Variants in MEIOC observed in about 807,000 individuals in gnomAD.
The protein encoded by MEIOC is meiosis specific with coiled-coil domain, also known as meiosis-specific coiled-coil domain-containing protein MEIOC.
MEIOC carries 9 observed loss-of-function variants against 85.3 expected under a neutral mutation model. The ratio of observed to expected loss-of-function variants is 0.11; its 90% confidence interval spans 0.06 to 0.18. The LOEUF is 0.18. Among genes scored for constraint, MEIOC ranks in the 10% least tolerant of loss-of-function variants. The pLI is 1.00. For synonymous variants in MEIOC, 365 were observed against 393.7 expected (o/e 0.93, Z 0.86); for missense variants, 898 against 1,129.4 (o/e 0.80, Z 2.94).
chr17:44,656,567 G>C lies in MEIOC; in HGVS notation c.-47G>C. On this transcript the variant is annotated 5_prime_UTR_variant, in exon 1 of 8. Transcript: ENST00000409122. Reference sequence around the variant, plus strand: ...CCTGGACGCCCCCCCCATCACCCCCGTACCCCAGGAGCTGTGCCTAGTCCA... The same window carrying C: ...CCTGGACGCCCCCCCCATCACCCCCCTACCCCAGGAGCTGTGCCTAGTCCA... 7.3e-7 allele frequency: 1 copy of C among 1,363,158 alleles called. No individual in the cohort carries two copies. The highest frequency in any genetic ancestry group is 1.6e-5 in the South Asian group (1 of 62,196). The allele number at this position is 1,363,158 out of a possible 1,614,324, so 84.4% of individuals were successfully genotyped here. A position where few individuals can be genotyped will look rare whatever the true frequency, so the allele number is the denominator to read the frequency against.
At chr17:44,673,299 G>T in intron 6 of MEIOC, 67 bp from the exon 7 acceptor site, 1 of 1,189,414 alleles carries the variant, frequency 8.4e-7, no homozygotes, top group East Asian at 2.7e-5. Flanking sequence ...CTGCTTCACT[G>T]AAGATTTGTT....
intron 2 of MEIOC, among the ~76,000 whole-genome samples, chr17:44,661,436 C>T (rs1399960264): frequency 6.6e-6 from 1 of 151,762 alleles, no homozygotes; most frequent in Non-Finnish European, 1.5e-5. Flanking sequence ...AGAGATAATA[C>T]TCATGTCACA....
rs1048419672 is a variant in MEIOC, at chr17:44,657,172, G to C, written c.115G>C (p.Gly39Arg). 2.6e-6 allele frequency: 4 copies of C among 1,551,558 alleles called. No individual in the cohort carries two copies. The African/African-American group carries it at 5.5e-5, about 21-fold the overall frequency. ...AGGTGCGAATCGCTGTTGGAACCTC[G>C]GCGCCGACGCCGGCAGCAGGTTAAC... is the stretch of plus-strand genomic sequence containing the variant. ...PGGANRCWNL[G>R]ADAGSRLTDV... Residue 39 changes from glycine (G) to arginine (R), a missense_variant, in exon 2 of 8, where the codon GGC becomes CGC. Physicochemically the swap from Gly to Arg is moderately radical, Grantham distance 125. Around this residue, in one of 2 missense-constraint regions of MEIOC, gnomAD observed 734 missense variants for 860.1 expected, o/e 0.85. Transcript: ENST00000409122.
Position 44,657,232 on chromosome 17 carries a change from G to C in MEIOC, c.175G>C (p.Ala59Pro). ...VFGSVMLTGSASFYDCYTSQS... is the reference protein window; with the variant it reads ...VFGSVMLTGSPSFYDCYTSQS... Reference sequence around the variant, plus strand: ...CGGCAGCGTGATGTTGACTGGCTCCGCTTCCTTCTACGATTGCTACACATC... The same window carrying C: ...CGGCAGCGTGATGTTGACTGGCTCCCCTTCCTTCTACGATTGCTACACATC... The change falls in exon 2 of 8, where the codon GCT becomes CCT. Residue 59 changes from alanine (A) to proline (P), a missense_variant. Physicochemically the swap from Ala to Pro is conservative, Grantham distance 27. Transcript: ENST00000409122. 1 of 1,551,990 alleles carries C rather than the reference G, an allele frequency of 6.4e-7. No individual in the cohort carries two copies. The highest frequency in any genetic ancestry group is 8.7e-7 in the Non-Finnish European group (1 of 1,146,944).
chr17:44,675,359 T>C lies in MEIOC; in HGVS notation c.*1163T>C. On this transcript the variant is annotated 3_prime_UTR_variant, in exon 8 of 8. Coordinates refer to ENST00000409122, the MANE Select transcript of MEIOC (RefSeq NM_001145080.3). ...GTAATTTATTCGTTAATATGAAATG[T>C]TGGTATTATGTGACTCAGAAGATCT... 2.1e-6 allele frequency: 2 copies of C among 968,654 alleles called. No individual in the cohort carries two copies. Among genetic ancestry groups the C allele is most frequent in the Non-Finnish European group, 2.5e-6 (2 of 814,676 alleles). 60.0% of individuals were successfully genotyped at this position (968,654 alleles called of 1,614,324 possible).
At chr17:44,661,075 A>G (rs1971835575) in intron 2 of MEIOC, among the ~76,000 whole-genome samples, 1 of 152,144 alleles carries the variant, frequency 6.6e-6, no homozygotes. Context: ...ACTTGAGGTC[A>G]GGATTTGAGA....
chr17:44,661,528 G>C (rs1034580982), intron 2 of MEIOC, among the ~76,000 whole-genome samples: 2 of 151,860 alleles, frequency 1.3e-5, no homozygotes, highest in Non-Finnish European at 2.9e-5. Context: ...ACTTTTTTCA[G>C]AGATTGGGGA....
intron 7 of MEIOC, 74 bp downstream of exon 7, chr17:44,673,620 G>A: frequency 1.6e-5 from 20 of 1,241,308 alleles, no homozygotes; most frequent in Non-Finnish European, 2.2e-5. Context: ...AGATTCTGAG[G>A]TTGAAAGATT....
At position 44,666,945 on chromosome 17, in the gene MEIOC, T is replaced by G. The variant is rs1297920195; in HGVS notation, c.1034T>G (p.Phe345Cys). 1.2e-6 allele frequency: 2 copies of G among 1,611,030 alleles called. No homozygotes were observed. Among genetic ancestry groups the G allele is most frequent in the Non-Finnish European group, 1.7e-6 (2 of 1,178,340 alleles). Residue 345 changes from phenylalanine (F) to cysteine (C), a missense_variant, in exon 5 of 8, where the codon TTT becomes TGT. This residue lies in a region of MEIOC where 734 missense variants were observed against 860.1 expected (regional missense o/e 0.85). Transcript: ENST00000409122. Reference sequence around the variant, plus strand: ...GCTAAGCTTAATAAATGTTCAAATTTTAGTGTCCAAGATAGCAAAAAATTA... The same window carrying G: ...GCTAAGCTTAATAAATGTTCAAATTGTAGTGTCCAAGATAGCAAAAAATTA... Reference protein sequence around the residue: ...NKAKLNKCSNFSVQDSKKLAN... With the variant: ...NKAKLNKCSNCSVQDSKKLAN...
At chr17:44,668,310 G>GT (rs1433325451) in intron 5 of MEIOC, 77 bp downstream of exon 5, 1 of 1,272,454 alleles carries the variant, frequency 7.9e-7, no homozygotes, top group East Asian at 2.3e-5. Context: ...TTAGTGTAGT[G>GT]TAAGAGTACT....
chr17:44,658,206 G>C (rs1227666729), intron 2 of MEIOC, among the ~76,000 whole-genome samples: 1 of 147,950 alleles, frequency 6.8e-6, no homozygotes, highest in Non-Finnish European at 1.5e-5. Flanking sequence ...CCAGGCTGGA[G>C]TGCAGTGACG....
At chr17:44,676,859 C>T (rs1972083344), downstream of MEIOC, 3 of 686,096 alleles carry the variant, frequency 4.4e-6, no homozygotes, top group Non-Finnish European at 5.4e-6. Context: ...CAATACTGAA[C>T]ATTTTAGACG....
chr17:44,669,561 A>AT (rs1252736295), intron 6 of MEIOC, 44 bp downstream of exon 6: 22 of 1,546,262 alleles, frequency 1.4e-5, no homozygotes, highest in South Asian at 2.4e-5. Flanking sequence ...TTTTTGTTAA[A>AT]TTTTTTTTAA....
At chr17:44,672,624 A>T (rs1312032007) in intron 6 of MEIOC, among the ~76,000 whole-genome samples, 6 of 152,208 alleles carry the variant, frequency 3.9e-5, no homozygotes, top group Non-Finnish European at 8.8e-5. Context: ...TGATCTTCAA[A>T]TTGCAATTAT....
intron 2 of MEIOC, among the ~76,000 whole-genome samples, chr17:44,659,742 T>A (rs1391333215): frequency 6.6e-6 from 1 of 152,246 alleles, no homozygotes; most frequent in African/African-American, 2.4e-5. Context: ...AGATGAACAA[T>A]TATTTATGTC....
At chr17:44,672,247 T>C (rs1972024033) in intron 6 of MEIOC, among the ~76,000 whole-genome samples, 1 of 152,198 alleles carries the variant, frequency 6.6e-6, no homozygotes, top group African/African-American at 2.4e-5. Context: ...CTCCCCAAAG[T>C]GCTGGGATTA....
chr17:44,658,408 G>C (rs1301197370), intron 2 of MEIOC, among the ~76,000 whole-genome samples: 1 of 151,688 alleles, frequency 6.6e-6, no homozygotes. Flanking sequence ...GCTCGCCTCA[G>C]CCTCCCAAAG....
intron 6 of MEIOC, among the ~76,000 whole-genome samples, chr17:44,671,925 A>T (rs959334797): frequency 1.3e-5 from 2 of 148,552 alleles, no homozygotes; most frequent in Non-Finnish European, 3.0e-5. Context: ...AAAAAAAATT[A>T]CTATTTTCTA....
Position 44,666,484 on chromosome 17 carries a change from T to C in MEIOC, c.573T>C (p.Ser191=). The change falls in exon 5 of 8, where the codon TCT becomes TCC. Residue 191 remains serine (S), a synonymous_variant. Coordinates refer to ENST00000409122, the MANE Select transcript of MEIOC (RefSeq NM_001145080.3). ...ETKRPIDTVI[S]QQAFYSDESV... ...AAAGGCCAATAGATACAGTCATCTCTCAGCAAGCTTTTTATAGTGATGAAT... is the reference window on the plus strand; with the variant it reads ...AAAGGCCAATAGATACAGTCATCTCCCAGCAAGCTTTTTATAGTGATGAAT... 6.3e-7 allele frequency: 1 copy of C among 1,590,820 alleles called. No homozygotes were observed. Among genetic ancestry groups the C allele is most frequent in the Non-Finnish European group, 8.6e-7 (1 of 1,167,524 alleles).
Sources: gnomAD v4.1 joint callset for allele counts (sites outside exome capture counted in the v4.1 genomes callset) on GRCh38, gnomAD v4.1.1 for gene constraint, gnomAD v4.1.1 regional missense constraint, MANE v1.5 for transcripts, NCBI Gene and HGNC (gene_info 2026-07-23, HGNC 2026-07-21) for gene names.